The following DLGAP1 variants were observed in gnomAD, a reference collection of about 807,000 sequenced individuals.
DLGAP1 encodes the protein disks large-associated protein 1.
DLGAP1 carries 11 observed loss-of-function variants against 90.8 expected under a neutral mutation model. That is an observed-to-expected ratio of 0.12 (90% confidence interval 0.08 to 0.20). The LOEUF (loss-of-function observed/expected upper bound fraction) is 0.20, where lower values mean the gene tolerates loss of function less well. DLGAP1 is among the 10% of genes least tolerant of loss of function. The probability of loss-of-function intolerance (pLI) is 1.00; values close to 1 mark genes in which losing one functional copy is unlikely to be tolerated. For synonymous variants in DLGAP1, 558 were observed against 540.7 expected (o/e 1.03, Z -0.44); for missense variants, 1,050 against 1,333.8 (o/e 0.79, Z 3.31).
At chr18:3,995,136 T>C (rs1319994102) in intron 3 of DLGAP1, 2 of 152,212 alleles carry the variant, frequency 1.3e-5, no homozygotes, top group Non-Finnish European at 2.9e-5. Context: ...ATTTTTTTTT[T>C]TTTTAGCTTT....
At chr18:3,520,036 A>G (rs867260653) in intron 10 of DLGAP1, among the ~76,000 whole-genome samples, 5 of 152,164 alleles carry the variant, frequency 3.3e-5, no homozygotes, top group African/African-American at 1.2e-4. Flanking sequence ...CCCAGAACTT[A>G]AAGTAAAATT....
At chr18:4,173,506 A>T (rs2077056957) in intron 1 of DLGAP1, among the ~76,000 whole-genome samples, 1 of 152,212 alleles carries the variant, frequency 6.6e-6, no homozygotes, top group African/African-American at 2.4e-5. Flanking sequence ...GATGATGTTC[A>T]ACTGATTTCA....
chr18:4,403,259 C>T (rs1368345477), intron 1 of DLGAP1, among the ~76,000 whole-genome samples: 2 of 152,142 alleles, frequency 1.3e-5, no homozygotes, highest in African/African-American at 2.4e-5. Context: ...AAACCAAGTA[C>T]TGAAGTTCCA....
intron 3 of DLGAP1, among the ~76,000 whole-genome samples, chr18:3,914,064 G>A (rs907673900): frequency 2.0e-5 from 3 of 152,056 alleles, no homozygotes; most frequent in Admixed American, 2.0e-4. Context: ...TTTATGGGTG[G>A]GGGGAATATT....
chr18:3,923,411 T>C (rs1237118961), intron 3 of DLGAP1, among the ~76,000 whole-genome samples: 10 of 152,296 alleles, frequency 6.6e-5, no homozygotes, highest in Admixed American at 5.2e-4. Context: ...ACTTTTTGTT[T>C]ATAACTTCTG....
intron 4 of DLGAP1, among the ~76,000 whole-genome samples, chr18:3,871,186 C>A (rs931282596): frequency 2.6e-5 from 4 of 152,162 alleles, no homozygotes; most frequent in African/African-American, 9.7e-5. Flanking sequence ...CTGATTTCAT[C>A]GAGGTATTTC....
At chr18:3,573,318 A>G (rs530161864) in intron 8 of DLGAP1, among the ~76,000 whole-genome samples, 28 of 152,276 alleles carry the variant, frequency 1.8e-4, no homozygotes, top group Non-Finnish European at 2.9e-5. Context: ...CCTGGCCAAC[A>G]TGGTGAAACC....
intron 7 of DLGAP1, among the ~76,000 whole-genome samples, chr18:3,697,536 T>C (rs2061135794): frequency 6.6e-6 from 1 of 152,218 alleles, no homozygotes; most frequent in Non-Finnish European, 1.5e-5. Flanking sequence ...CTAATTTGAT[T>C]GCACTGTGCT....
chr18:4,235,880 C>A (rs1006907912), intron 1 of DLGAP1, among the ~76,000 whole-genome samples: 1 of 152,044 alleles, frequency 6.6e-6, no homozygotes, highest in African/African-American at 2.4e-5. Context: ...CATGCGCCAC[C>A]ATGCCTGGCT....
intron 7 of DLGAP1, among the ~76,000 whole-genome samples, chr18:3,688,616 CACACACACACACACACACA>C (rs1192472659): frequency 2.1e-3 from 1 of 466 alleles, no homozygotes; most frequent in Non-Finnish European, 9.8e-3. Flanking sequence ...TAAAAAAAGA[CACACACACACACACACACA>C]CACACACACA....
intron 5 of DLGAP1, among the ~76,000 whole-genome samples, chr18:3,758,341 T>G (rs1232323262): frequency 1.3e-5 from 2 of 152,226 alleles, no homozygotes; most frequent in African/African-American, 4.8e-5. Flanking sequence ...CTTTAAACTC[T>G]TGGGATTCAG....
chr18:4,444,694 T>C (rs1309562603), intron 1 of DLGAP1, among the ~76,000 whole-genome samples: 3 of 152,220 alleles, frequency 2.0e-5, no homozygotes, highest in African/African-American at 7.2e-5. Flanking sequence ...TTTTAAATTC[T>C]TTACTTGGTA....
intron 9 of DLGAP1, among the ~76,000 whole-genome samples, chr18:3,543,814 G>T (rs2052850678): frequency 2.0e-5 from 3 of 152,142 alleles, no homozygotes; most frequent in Admixed American, 6.5e-5. Flanking sequence ...ATGAGACATT[G>T]CTAGGGGTAC....
At chr18:3,877,977 G>A (rs2071046249) in intron 4 of DLGAP1, among the ~76,000 whole-genome samples, 1 of 152,124 alleles carries the variant, frequency 6.6e-6, no homozygotes, top group Non-Finnish European at 1.5e-5. Flanking sequence ...CCTTGTCCAG[G>A]GATTGCCAGC....
At chr18:3,752,724 C>T (rs539712489) in intron 5 of DLGAP1, among the ~76,000 whole-genome samples, 40 of 150,500 alleles carry the variant, frequency 2.7e-4, no homozygotes, top group African/African-American at 8.1e-4. Flanking sequence ...CTCACTGCAG[C>T]TTCCAACTCC....
intron 3 of DLGAP1, among the ~76,000 whole-genome samples, chr18:3,960,003 A>G (rs2073166038): frequency 6.6e-6 from 1 of 152,148 alleles, no homozygotes. Context: ...TTGGAAAGTG[A>G]GGTCTAGCGT....
intron 4 of DLGAP1, among the ~76,000 whole-genome samples, chr18:3,849,639 T>C (rs970471348): frequency 2.0e-5 from 3 of 152,064 alleles, no homozygotes; most frequent in South Asian, 4.2e-4. Context: ...AGGGCAGAGC[T>C]CCCAGAATAG....
chr18:3,871,799 C>A (rs1248669929), intron 4 of DLGAP1, among the ~76,000 whole-genome samples: 2 of 152,166 alleles, frequency 1.3e-5, no homozygotes, highest in African/African-American at 4.8e-5. Flanking sequence ...AGATCAAAAA[C>A]AGCATGTGTA....
chr18:4,083,752 G>A (rs2075644702), intron 2 of DLGAP1, among the ~76,000 whole-genome samples: 1 of 152,154 alleles, frequency 6.6e-6, no homozygotes. Context: ...GCATGCAGAT[G>A]AGCAGGTCAT....
Sources: gnomAD v4.1 joint callset for allele counts (sites outside exome capture counted in the v4.1 genomes callset) on GRCh38, gnomAD v4.1.1 for gene constraint, MANE v1.5 for transcripts, NCBI Gene and HGNC (gene_info 2026-07-23, HGNC 2026-07-21) for gene names.